The following TMEM117 variants were observed in gnomAD, a reference collection of about 807,000 sequenced individuals.
TMEM117 encodes the protein transmembrane protein 117.
A neutral mutation model predicts 52.4 loss-of-function variants in TMEM117; 27 were observed. The ratio of observed to expected loss-of-function variants is 0.51; its 90% CI spans 0.38 to 0.71. TMEM117 has a LOEUF of 0.71. TMEM117 is among the 30% of genes least tolerant of loss of function. TMEM117 has a pLI of 0.00. For synonymous variants in TMEM117, 215 were observed against 206.3 expected (o/e 1.04, Z -0.36); for missense variants, 556 against 630.5 (o/e 0.88, Z 1.26).
intron 3 of TMEM117, among the ~76,000 whole-genome samples, chr12:43,948,880 G>A (rs1420028944): frequency 1.3e-5 from 2 of 152,098 alleles, no homozygotes; most frequent in African/African-American, 2.4e-5. Context: ...AAACTCGGGC[G>A]GTAAGACTAA....
At position 44,388,699 on chromosome 12, in the gene TMEM117, CA is replaced by C. The variant is rs748707212; in HGVS notation, c.*32del. 24 of 1,596,986 alleles carry C rather than the reference CA, an allele frequency of 1.5e-5. No individual in the cohort carries two copies. In the Admixed American group the frequency reaches 2.7e-4, roughly 18 times the overall value. On this transcript the variant is annotated 3_prime_UTR_variant, in exon 8 of 8. Coordinates refer to ENST00000266534, the MANE Select transcript of TMEM117 (RefSeq NM_032256.3). ...CTCGGAGATAGACTTGGAGATAACA[CA>C]AAAAGCAACCTTGAGTGTAACTTTA...
intron 5 of TMEM117, among the ~76,000 whole-genome samples, chr12:44,279,070 CTT>C (rs2138588895): frequency 6.6e-6 from 1 of 152,246 alleles, no homozygotes; most frequent in Admixed American, 6.5e-5. Context: ...ATATTTGTAT[CTT>C]ATAATTTTGT....
chr12:44,271,938 C>G (rs572793828), intron 5 of TMEM117, among the ~76,000 whole-genome samples: 1 of 152,052 alleles, frequency 6.6e-6, no homozygotes, highest in Non-Finnish European at 1.5e-5. Context: ...GCTAAATAGA[C>G]ATTTCTCAAA....
intron 3 of TMEM117, among the ~76,000 whole-genome samples, chr12:43,995,784 A>G (rs1946020706): frequency 6.6e-6 from 1 of 152,234 alleles, no homozygotes; most frequent in African/African-American, 2.4e-5. Flanking sequence ...AATAATCCCC[A>G]CATTACCAAA....
rs113305435 is a variant in TMEM117 at position 44,168,071 on chromosome 12, T to C, written c.510+24447T>C. ...GAGTTTGAGACCAGCCTGGCCAATATGGTGAAACCCCGTCTCTACTAAAAA... is the reference window on the plus strand; with the variant it reads ...GAGTTTGAGACCAGCCTGGCCAATACGGTGAAACCCCGTCTCTACTAAAAA... On this transcript the variant is annotated intron_variant, in intron 4 of 7. Coordinates refer to ENST00000266534, the MANE Select transcript of TMEM117 (RefSeq NM_032256.3). Among the ~76,000 whole-genome samples, 1,037 of 152,010 alleles carry C rather than the reference T, an allele frequency of 6.8e-3. 14 individuals are homozygous for C. Among genetic ancestry groups the C allele is most frequent in the African/African-American group, 0.024 (991 of 41,436 alleles).
At chr12:44,397,236 A>G in the TMEM117 span, among the ~76,000 whole-genome samples, 2 of 152,142 alleles carry the variant, frequency 1.3e-5, no homozygotes, top group African/African-American at 2.4e-5. Context: ...CAATATCCTC[A>G]CCTGACTCTT....
At chr12:44,104,884 C>T (rs1287635613) in intron 3 of TMEM117, among the ~76,000 whole-genome samples, 3 of 151,468 alleles carry the variant, frequency 2.0e-5, no homozygotes, top group Non-Finnish European at 4.4e-5. Context: ...GTATTTTTTT[C>T]CCCTGGGTTC....
the TMEM117 span, among the ~76,000 whole-genome samples, chr12:43,830,920 T>C: frequency 2.0e-5 from 3 of 152,222 alleles, no homozygotes; most frequent in African/African-American, 7.2e-5. Context: ...ATATTGCTAC[T>C]AGTTGGCATC....
chr12:44,332,818 A>G (rs939761478), intron 6 of TMEM117, among the ~76,000 whole-genome samples: 20 of 151,750 alleles, frequency 1.3e-4, no homozygotes, highest in Non-Finnish European at 1.5e-5. Context: ...GAATATCAGC[A>G]TTTCCCAGCA....
At chr12:44,163,499 T>A (rs1948924846) in intron 4 of TMEM117, among the ~76,000 whole-genome samples, 1 of 152,214 alleles carries the variant, frequency 6.6e-6, no homozygotes, top group Non-Finnish European at 1.5e-5. Context: ...ACTTACCTAA[T>A]GTTAACCAAA....
intron 6 of TMEM117, among the ~76,000 whole-genome samples, chr12:44,374,372 CA>C (rs1320038143): frequency 1.4e-4 from 21 of 152,008 alleles, no homozygotes; most frequent in African/African-American, 5.1e-4. Context: ...ATGAATGAGT[CA>C]TCATCTATTT....
chr12:44,245,256 G>A (rs760298467), intron 5 of TMEM117, among the ~76,000 whole-genome samples: 9 of 151,624 alleles, frequency 5.9e-5, no homozygotes, highest in Non-Finnish European at 1.2e-4. Flanking sequence ...AATTATAGTA[G>A]CAATTGCCTT....
intron 3 of TMEM117, among the ~76,000 whole-genome samples, chr12:44,046,913 T>C (rs954761208): frequency 6.6e-6 from 1 of 152,216 alleles, no homozygotes; most frequent in Non-Finnish European, 1.5e-5. Flanking sequence ...AATTGTATTA[T>C]GTTAGGCATA....
intron 3 of TMEM117, among the ~76,000 whole-genome samples, chr12:44,131,761 A>G (rs745523983): frequency 2.4e-4 from 36 of 152,192 alleles, no homozygotes; most frequent in Non-Finnish European, 4.4e-4. Context: ...TAATATAGCT[A>G]TACCAAATTT....
chr12:43,877,613 C>T (rs898260113), intron 2 of TMEM117, among the ~76,000 whole-genome samples: 7 of 145,214 alleles, frequency 4.8e-5, no homozygotes, highest in Admixed American at 1.4e-4. Context: ...CCAGCCCGGG[C>T]GACATAGTGC....
At chr12:44,310,203 A>G (rs1950956229) in intron 6 of TMEM117, among the ~76,000 whole-genome samples, 1 of 152,242 alleles carries the variant, frequency 6.6e-6, no homozygotes, top group Non-Finnish European at 1.5e-5. Flanking sequence ...ACAATTGATC[A>G]TTCAGACCTT....
In TMEM117 at chr12:43,877,399, C is replaced by T. The variant is rs546373000; in HGVS notation, c.277+32471C>T. Among the ~76,000 whole-genome samples, 267 of 152,042 alleles carry T rather than the reference C, an allele frequency of 1.8e-3. 2 individuals carry two copies. The highest frequency in any genetic ancestry group is 6.2e-3 in the African/African-American group (257 of 41,484). ...CTGTAATCCCAGCACTTTGGGACAC[C>T]GAGGCAGGTGGAACACCTGAGGTCA... On this transcript the variant is annotated intron_variant, in intron 2 of 7. Coordinates refer to ENST00000266534, the MANE Select transcript of TMEM117 (RefSeq NM_032256.3).
At chr12:43,953,598 T>C (rs1190399415) in intron 3 of TMEM117, among the ~76,000 whole-genome samples, 3 of 152,130 alleles carry the variant, frequency 2.0e-5, no homozygotes, top group African/African-American at 7.2e-5. Flanking sequence ...CAAGAAGAGC[T>C]AACTATCCTA....
intron 5 of TMEM117, among the ~76,000 whole-genome samples, chr12:44,223,889 C>T (rs7308476): frequency 0.11 from 16,138 of 152,174 alleles, 949 homozygotes; most frequent in Middle Eastern, 0.2. Context: ...TTGTTTGCCT[C>T]GTTCTGCCAA....
Sources: gnomAD v4.1 joint callset for allele counts (sites outside exome capture counted in the v4.1 genomes callset) on GRCh38, gnomAD v4.1.1 for gene constraint, MANE v1.5 for transcripts, NCBI Gene and HGNC (gene_info 2026-07-23, HGNC 2026-07-21) for gene names.